The following MATN4 variants were observed in gnomAD, a reference collection of about 807,000 sequenced individuals.
MATN4 encodes matrilin-4.
MATN4 carries 40 observed loss-of-function variants against 54.6 expected under a neutral mutation model. That is an observed-to-expected ratio of 0.73 (90% CI 0.57 to 0.95). The LOEUF (loss-of-function observed/expected upper bound fraction) is 0.95, where lower values mean the gene tolerates loss of function less well. Ranked by LOEUF, MATN4 falls within the 40% of genes least tolerant of loss-of-function variation. MATN4 has a pLI of 0.00. For synonymous variants in MATN4, 351 were observed against 345.3 expected (o/e 1.02, Z -0.18); for missense variants, 810 against 819.1 (o/e 0.99, Z 0.13).
intron 3 of MATN4, 141 bp from the exon 4 acceptor site, chr20:45,301,584 T>C: frequency 1.2e-6 from 1 of 808,264 alleles, no homozygotes; most frequent in Non-Finnish European, 1.9e-6. Flanking sequence ...AGGGCCCCTG[T>C]CCTCAAGATG....
intron 8 of MATN4, among the ~76,000 whole-genome samples, chr20:45,294,730 C>G (rs187441135): frequency 2.4e-4 from 36 of 152,302 alleles, no homozygotes; most frequent in African/African-American, 8.2e-4. Context: ...CCAGTACCAG[C>G]ACATTACATG....
intron 1 of MATN4, among the ~76,000 whole-genome samples, 185 bp from the exon 2 acceptor site, chr20:45,305,801 G>GTTTTTTTTTTTTTT (rs1600703865): frequency 6.3e-5 from 1 of 15,988 alleles, no homozygotes; most frequent in Non-Finnish European, 1.3e-4. Flanking sequence ...AAACACAAGA[G>GTTTTTTTTTTTTTT]ATTCTTTTTT....
chr20:45,294,772 T>G (rs1985704579), intron 8 of MATN4, among the ~76,000 whole-genome samples: 1 of 152,182 alleles, frequency 6.6e-6, no homozygotes, highest in Admixed American at 6.5e-5. Context: ...TGTTAGGAAC[T>G]GGGCCACACA....
Position 45,293,959 on chromosome 20 carries a change from C to A in MATN4, c.1636G>T (p.Val546Leu), listed in dbSNP as rs780101217. Residue 546 changes from valine to leucine, a missense_variant, in exon 9 of 10, where the codon GTG becomes TTG. Val to Leu is a conservative substitution (Grantham distance 32, BLOSUM62 1). Transcript: ENST00000372756. ...CCCAGCGTGCGGCCCTGGAACTCCA[C>A]GAGGCTTTCGCATTCGCATGGGCTC... ...LRSPCECESL[V>L]EFQGRTLGAL... 6.2e-7 allele frequency: 1 copy of A among 1,603,106 alleles called. No homozygotes were observed. The highest frequency in any genetic ancestry group is 1.1e-5 in the South Asian group (1 of 90,730).
intron 1 of MATN4, among the ~76,000 whole-genome samples, chr20:45,307,915 C>A (rs1986875938): frequency 6.6e-6 from 1 of 151,918 alleles, no homozygotes; most frequent in South Asian, 2.1e-4. Flanking sequence ...GGAGGAGAGG[C>A]CTGTAAATAA....
chr20:45,304,721 G>C lies in MATN4; in HGVS notation c.150C>G (p.Phe50Leu), dbSNP rs758921353. 1.9e-6 allele frequency: 3 copies of C among 1,611,570 alleles called. No homozygotes were observed. Among genetic ancestry groups the C allele is most frequent in the Non-Finnish European group, 1.7e-6 (2 of 1,178,412 alleles). The change falls in exon 3 of 10, where the codon TTC becomes TTG. Residue 50 changes from phenylalanine (F) to leucine (L), a missense_variant. Coordinates refer to ENST00000372756, the MANE Select transcript of MATN4 (RefSeq NM_001393530.1). ...DSSRSVRPFEFETMRQFLMGL... is the reference protein window; with the variant it reads ...DSSRSVRPFELETMRQFLMGL... ...CCATGAGGAACTGCCGCATGGTCTCGAACTCGAAAGGGCGCACGCTGCGGG... is the reference window on the plus strand; with the variant it reads ...CCATGAGGAACTGCCGCATGGTCTCCAACTCGAAAGGGCGCACGCTGCGGG...
intron 3 of MATN4, among the ~76,000 whole-genome samples, chr20:45,302,851 G>A (rs1471209654): frequency 6.6e-6 from 1 of 152,186 alleles, no homozygotes; most frequent in Non-Finnish European, 1.5e-5. Flanking sequence ...GGGAGGCCAA[G>A]GCGGGCAGAT....
At chr20:45,304,201 C>T (rs1396290407) in intron 3 of MATN4, 27 bp downstream of exon 3, 1 of 1,458,834 alleles carries the variant, frequency 6.9e-7, no homozygotes, top group Non-Finnish European at 9.1e-7. Flanking sequence ...AGAGTTCGAG[C>T]TTCACTCCAG....
chr20:45,302,976 G>T (rs1419979265), intron 3 of MATN4, among the ~76,000 whole-genome samples: 1 of 151,780 alleles, frequency 6.6e-6, no homozygotes, highest in Non-Finnish European at 1.5e-5. Flanking sequence ...CCAGCTACTT[G>T]GGAGGCTGAC....
intron 8 of MATN4, 65 bp downstream of exon 8, chr20:45,297,834 AGTGGGCAGGGAGTGAATAG>A (rs1985940331): frequency 6.5e-7 from 1 of 1,532,550 alleles, no homozygotes; most frequent in Non-Finnish European, 9.0e-7. Flanking sequence ...ATAACTACAA[AGTGGGCAGGGAGTGAATAG>A]GAAGGGGAGA....
At chr20:45,306,393 G>C (rs944992056) in intron 1 of MATN4, among the ~76,000 whole-genome samples, 22 of 152,266 alleles carry the variant, frequency 1.4e-4, no homozygotes, top group South Asian at 6.2e-4. Context: ...GAGCCAGCCT[G>C]GGCGTTTGGT....
Position 45,299,489 on chromosome 20 carries a change from C to G in MATN4, c.1013-906G>C, listed in dbSNP as rs2741508. Among the ~76,000 whole-genome samples, 963 of 152,144 alleles carry G rather than the reference C, an allele frequency of 6.3e-3. 5 individuals are homozygous for G. Among genetic ancestry groups the G allele is most frequent in the African/African-American group, 0.021 (882 of 41,466 alleles). On this transcript the variant is annotated intron_variant, in intron 6 of 9. Coordinates refer to ENST00000372756, the MANE Select transcript of MATN4 (RefSeq NM_001393530.1). ...TTCCCAAAATTCATTTATTGAAACC[C>G]TACGCCTTTATGTGATAGTCTCCGG...
At position 45,304,337 on chromosome 20, in the gene MATN4, C is replaced by G. The variant is rs1986427651; in HGVS notation, c.534G>C (p.Val178=). 1 of 1,509,778 alleles carries G rather than the reference C, an allele frequency of 6.6e-7. No homozygotes were observed. The highest frequency in any genetic ancestry group is 1.4e-5 in the African/African-American group (1 of 69,698). The allele number at this position is 1,509,778 out of a possible 1,614,324, so 93.5% of individuals were successfully genotyped here. A position where few individuals can be genotyped will look rare whatever the true frequency, so the allele number is the denominator to read the frequency against. The change falls in exon 3 of 10, where the codon GTG becomes GTC. Residue 178 remains valine, a synonymous_variant. Transcript: ENST00000372756. ...GCGATGCCATGGCGCGCAGGGAGCC[C>G]ACGTCCGCGCGCTGCACCCCCACCG... ...IYAVGVQRAD[V]GSLRAMASPP...
At chr20:45,304,839 C>T (rs1318646546) in intron 2 of MATN4, 42 bp from the exon 3 acceptor site, 2 of 1,361,864 alleles carry the variant, frequency 1.5e-6, no homozygotes, top group South Asian at 2.8e-5. Context: ...TCAGCAAAGC[C>T]TCACCTCCGA....
intron 8 of MATN4, among the ~76,000 whole-genome samples, chr20:45,297,342 C>A (rs1260946558): frequency 6.6e-6 from 1 of 151,912 alleles, no homozygotes; most frequent in Non-Finnish European, 1.5e-5. Flanking sequence ...ATTCAAGAGT[C>A]CCCTTCTTCA....
Position 45,304,723 on chromosome 20 carries a change from A to G in MATN4, c.148T>C (p.Phe50Leu), listed in dbSNP as rs138407393. Residue 50 changes from phenylalanine to leucine, a missense_variant, in exon 3 of 10, where the codon TTC becomes CTC. By Grantham distance (22) the Phe-to-Leu change is conservative. Transcript: ENST00000372756. ...DSSRSVRPFE[F>L]ETMRQFLMGL... The stretch of plus-strand genomic sequence containing the variant: ...ATGAGGAACTGCCGCATGGTCTCGA[A>G]CTCGAAAGGGCGCACGCTGCGGGAG... The G allele has an allele frequency of 6.2e-7, 1 of 1,611,270 alleles. No individual in the cohort carries two copies. Among genetic ancestry groups the G allele is most frequent in the Admixed American group, 1.7e-5 (1 of 59,970 alleles).
chr20:45,307,224 C>T (rs1297623451), intron 1 of MATN4, among the ~76,000 whole-genome samples: 1 of 152,146 alleles, frequency 6.6e-6, no homozygotes, highest in Non-Finnish European at 1.5e-5. Context: ...GTTGCTGTTT[C>T]TTGGCAGAGA....
Position 45,301,109 on chromosome 20 carries a change from G to T in MATN4, c.882C>A (p.Ser294Arg). 6.2e-7 allele frequency: 1 copy of T among 1,614,180 alleles called. No individual in the cohort carries two copies. Among genetic ancestry groups the T allele is most frequent in the Non-Finnish European group, 8.5e-7 (1 of 1,180,030 alleles). ...EGHDLQPDGRSCQVRDLCNGV... is the reference protein window; with the variant it reads ...EGHDLQPDGRRCQVRDLCNGV... The stretch of plus-strand genomic sequence containing the variant: ...TAGGAGAGCCCTCCTCACCCTGACA[G>T]CTCCTCCCATCAGGCTGCAAGTCAT... Residue 294 changes from serine to arginine, a missense_variant, in exon 5 of 10, where the codon AGC (serine) becomes AGA (arginine). By Grantham distance (110) the Ser-to-Arg change is moderately radical (BLOSUM62 -1). Transcript: ENST00000372756.
intron 3 of MATN4, 108 bp from the exon 4 acceptor site, chr20:45,301,551 C>A: frequency 8.3e-7 from 1 of 1,204,524 alleles, no homozygotes; most frequent in Non-Finnish European, 1.1e-6. Context: ...GCCCCAACCC[C>A]AAAAATCCTG....
Sources: allele counts gnomAD v4.1 joint callset (sites outside exome capture counted in the v4.1 genomes callset), GRCh38; gene constraint gnomAD v4.1.1; transcripts MANE v1.5; gene names NCBI Gene and HGNC (gene_info 2026-07-23, HGNC 2026-07-21).